Variants in NCKAP5 observed in about 807,000 individuals in gnomAD.
NCKAP5 encodes the protein NCK associated protein 5, also known as nck-associated protein 5.
A neutral mutation model predicts 167.0 loss-of-function variants in NCKAP5; 92 were observed. The ratio of observed to expected loss-of-function variants is 0.55; its 90% CI spans 0.47 to 0.66. The LOEUF (loss-of-function observed/expected upper bound fraction) is 0.66, where lower values mean the gene tolerates loss of function less well. NCKAP5 is among the 30% of genes least tolerant of loss of function. The probability of loss-of-function intolerance (pLI) is 0.00; values close to 1 mark genes in which losing one functional copy is unlikely to be tolerated. For missense variants in NCKAP5, 2,378 were observed against 2,315.0 expected (o/e 1.03, Z -0.56); for synonymous variants, 891 against 877.4 (o/e 1.02, Z -0.27).
At chr2:132,832,595 C>T (rs1225304232) in intron 11 of NCKAP5, among the ~76,000 whole-genome samples, 2 of 152,280 alleles carry the variant, frequency 1.3e-5, no homozygotes, top group Non-Finnish European at 1.5e-5. Flanking sequence ...TATTTTAACA[C>T]CCACTTATGA....
intron 5 of NCKAP5, among the ~76,000 whole-genome samples, chr2:133,197,819 G>A (rs2085505649): frequency 6.6e-6 from 1 of 152,032 alleles, no homozygotes; most frequent in Non-Finnish European, 1.5e-5. Context: ...GTTTTGTGGT[G>A]CGTTCCTATA....
chr2:133,187,176 A>G (rs1574312546), intron 5 of NCKAP5, among the ~76,000 whole-genome samples: 1 of 152,038 alleles, frequency 6.6e-6, no homozygotes, highest in South Asian at 2.1e-4. Context: ...AATTTTAAAT[A>G]AAGTTTTTTG....
intron 5 of NCKAP5, among the ~76,000 whole-genome samples, chr2:133,132,603 G>A (rs564781511): frequency 3.3e-5 from 5 of 150,884 alleles, no homozygotes; most frequent in South Asian, 4.2e-4. Flanking sequence ...TTCAAATGAC[G>A]TGTATTTCTA....
chr2:132,818,346 C>T (rs1055374138), intron 11 of NCKAP5, among the ~76,000 whole-genome samples: 2 of 152,188 alleles, frequency 1.3e-5, no homozygotes, highest in East Asian at 3.9e-4. Context: ...ATGGATAATG[C>T]AGATTCTCAG....
At chr2:133,566,912 A>G (rs937073984) in intron 1 of NCKAP5, among the ~76,000 whole-genome samples, 1 of 152,208 alleles carries the variant, frequency 6.6e-6, no homozygotes, top group African/African-American at 2.4e-5. Context: ...GAGCTGACAA[A>G]GAGGCAGGAT....
chr2:133,137,806 A>G (rs1463971603), intron 5 of NCKAP5, among the ~76,000 whole-genome samples: 1 of 152,198 alleles, frequency 6.6e-6, no homozygotes, highest in African/African-American at 2.4e-5. Flanking sequence ...CGAACAAAGG[A>G]TTCTTAGCAA....
chr2:133,508,341 G>A (rs140058987), intron 3 of NCKAP5, among the ~76,000 whole-genome samples: 4 of 152,242 alleles, frequency 2.6e-5, no homozygotes, highest in South Asian at 4.1e-4. Flanking sequence ...GGAAGCCCTC[G>A]CTGATCAATG....
rs190462853 is a variant in NCKAP5 at position 132,990,465 on chromosome 2, T to G, written c.429+3687A>C. Among the ~76,000 whole-genome samples the G allele has an allele frequency of 2.0e-5, 3 of 152,282 alleles. No individual in the cohort carries two copies. The East Asian group carries it at 5.8e-4, about 29-fold the overall frequency. ...CTGCTTAGTGTGACAGAATAATACC[T>G]ATCCTCAAAACATGTTCACTTCCCA... On this transcript the variant is annotated intron_variant, in intron 7 of 19. Transcript: ENST00000409261.
At chr2:132,794,017 G>A (rs1684288084) in intron 12 of NCKAP5, among the ~76,000 whole-genome samples, 1 of 151,460 alleles carries the variant, frequency 6.6e-6, no homozygotes, top group Admixed American at 6.6e-5. Flanking sequence ...CCATTTATGA[G>A]GTTTAAACTC....
chr2:133,126,977 C>T (rs1185291640), intron 6 of NCKAP5, among the ~76,000 whole-genome samples: 1 of 152,018 alleles, frequency 6.6e-6, no homozygotes, highest in Non-Finnish European at 1.5e-5. Context: ...TTAAAAGTAA[C>T]CTCAGCCCAT....
At chr2:133,003,863 A>G (rs546080765) in intron 6 of NCKAP5, among the ~76,000 whole-genome samples, 1 of 152,320 alleles carries the variant, frequency 6.6e-6, no homozygotes, top group African/African-American at 2.4e-5. Flanking sequence ...CTCTATGTGA[A>G]GAGAAAGTGA....
rs988043273 is a variant in NCKAP5 at position 133,247,012 on chromosome 2, A to G, written c.144-33233T>C. ...GGAATTTAACCATTTCCTAAATCCA[A>G]TTCTTCCTGCCTGCCTGATCTATCT... is the stretch of plus-strand genomic sequence containing the variant. On this transcript the variant is annotated intron_variant, in intron 4 of 19. Coordinates refer to ENST00000409261, the MANE Select transcript of NCKAP5 (RefSeq NM_207363.3). Among the ~76,000 whole-genome samples, 6 of 152,194 alleles carry G rather than the reference A, an allele frequency of 3.9e-5. 1 individual carries two copies. The East Asian group carries it at 5.8e-4, about 15-fold the overall frequency.
chr2:133,415,173 A>G (rs971763980), intron 3 of NCKAP5, among the ~76,000 whole-genome samples: 6 of 152,204 alleles, frequency 3.9e-5, no homozygotes, highest in African/African-American at 1.4e-4. Context: ...GGACTTATTC[A>G]TGTTGCCATT....
intron 5 of NCKAP5, among the ~76,000 whole-genome samples, chr2:133,135,562 GAACT>G (rs1313022960): frequency 6.6e-6 from 1 of 151,806 alleles, no homozygotes; most frequent in East Asian, 1.9e-4. Context: ...TATGGAGAAA[GAACT>G]AACAGGCTAA....
At chr2:133,641,096 G>A in the NCKAP5 span, among the ~76,000 whole-genome samples, 134 of 152,316 alleles carry the variant, frequency 8.8e-4, no homozygotes, top group African/African-American at 3.1e-3. Context: ...GCTCTTTGGA[G>A]GTTCTCTGGC....
chr2:133,091,335 G>A (rs2081175126), intron 6 of NCKAP5, among the ~76,000 whole-genome samples: 1 of 152,314 alleles, frequency 6.6e-6, no homozygotes, highest in East Asian at 1.9e-4. Flanking sequence ...CTCCAGCTAA[G>A]TGAGATTCCA....
At chr2:133,230,781 G>A (rs2087110141) in intron 4 of NCKAP5, among the ~76,000 whole-genome samples, 1 of 152,078 alleles carries the variant, frequency 6.6e-6, no homozygotes, top group Non-Finnish European at 1.5e-5. Flanking sequence ...TTCAACACTA[G>A]TTTCCCATAT....
intron 19 of NCKAP5, among the ~76,000 whole-genome samples, chr2:132,708,492 T>C (rs1041792004): frequency 2.0e-5 from 3 of 151,488 alleles, no homozygotes; most frequent in Non-Finnish European, 4.4e-5. Flanking sequence ...GAGGTAAGAG[T>C]GGGAAGGACT....
chr2:132,932,235 C>T (rs1277924923), intron 8 of NCKAP5, among the ~76,000 whole-genome samples: 1 of 152,104 alleles, frequency 6.6e-6, no homozygotes, highest in African/African-American at 2.4e-5. Context: ...TTGTTTCTTT[C>T]ATGGTTTTTA....
Sources: gnomAD v4.1 joint callset for allele counts (sites outside exome capture counted in the v4.1 genomes callset) on GRCh38, gnomAD v4.1.1 for gene constraint, MANE v1.5 for transcripts, NCBI Gene and HGNC (gene_info 2026-07-23, HGNC 2026-07-21) for gene names.